The following ROBO2 variants were observed in gnomAD, a reference collection of about 807,000 sequenced individuals.
ROBO2 encodes roundabout homolog 2.
A neutral mutation model predicts 160.8 loss-of-function variants in ROBO2; 53 were observed. The ratio of observed to expected loss-of-function variants is 0.33; its 90% CI spans 0.26 to 0.41. The LOEUF is 0.41. Among genes scored for constraint, ROBO2 ranks in the 10% least tolerant of loss-of-function variants. The pLI is 1.00. For missense variants in ROBO2, 1,577 were observed against 1,722.4 expected (o/e 0.92, Z 1.49); for synonymous variants, 664 against 611.7 (o/e 1.09, Z -1.26).
At chr3:77,576,325 A>G (rs2093761912) in intron 14 of ROBO2, among the ~76,000 whole-genome samples, 1 of 152,100 alleles carries the variant, frequency 6.6e-6, no homozygotes, top group African/African-American at 2.4e-5. Flanking sequence ...AAAACATGGG[A>G]TATCTGCTGT....
chr3:76,698,282 C>T (rs2092973970), intron 2 of ROBO2, among the ~76,000 whole-genome samples: 1 of 152,132 alleles, frequency 6.6e-6, no homozygotes, highest in Admixed American at 6.6e-5. Flanking sequence ...ACCATTGACA[C>T]GGTGTTTTAT....
At chr3:76,381,496 C>A (rs537760923) in intron 2 of ROBO2, among the ~76,000 whole-genome samples, 56 of 151,854 alleles carry the variant, frequency 3.7e-4, no homozygotes, top group Non-Finnish European at 7.1e-4. Flanking sequence ...ACTACAGACA[C>A]GTGCCACCGC....
At chr3:76,214,621 G>A (rs1318410692) in intron 2 of ROBO2, among the ~76,000 whole-genome samples, 4 of 152,190 alleles carry the variant, frequency 2.6e-5, no homozygotes, top group East Asian at 1.9e-4. Context: ...GGGGAAGGGC[G>A]TCCGCCATTG....
At chr3:76,874,723 A>G (rs183044780) in intron 2 of ROBO2, among the ~76,000 whole-genome samples, 220 of 152,308 alleles carry the variant, frequency 1.4e-3, no homozygotes, top group African/African-American at 5.1e-3. Context: ...TTAAAGGGGC[A>G]TGGAATGAGT....
At chr3:77,215,181 A>G (rs2084760737) in intron 2 of ROBO2, among the ~76,000 whole-genome samples, 1 of 152,220 alleles carries the variant, frequency 6.6e-6, no homozygotes. Context: ...GTGTTTTCCA[A>G]CTTGGTTCCA....
At chr3:76,744,308 T>G (rs572324016) in intron 2 of ROBO2, among the ~76,000 whole-genome samples, 5 of 152,062 alleles carry the variant, frequency 3.3e-5, no homozygotes, top group Admixed American at 1.3e-4. Flanking sequence ...CTCTTCCTCT[T>G]CCGTCTTTTT....
intron 2 of ROBO2, among the ~76,000 whole-genome samples, chr3:76,494,051 C>T (rs2079999696): frequency 6.6e-6 from 1 of 152,036 alleles, no homozygotes; most frequent in African/African-American, 2.4e-5. Flanking sequence ...TGAATGTTCA[C>T]AGCAGCACCA....
At chr3:77,353,184 T>A (rs1396460080) in intron 2 of ROBO2, among the ~76,000 whole-genome samples, 2 of 152,204 alleles carry the variant, frequency 1.3e-5, no homozygotes, top group African/African-American at 4.8e-5. Context: ...TGTAACTTTG[T>A]AGTCTCTCTA....
chr3:77,348,129 T>C (rs1003049704), intron 2 of ROBO2, among the ~76,000 whole-genome samples: 1 of 152,132 alleles, frequency 6.6e-6, no homozygotes, highest in Admixed American at 6.6e-5. Flanking sequence ...GAGAGGGTTC[T>C]TGGATCTTGA....
At chr3:76,985,689 T>C (rs1293057128) in intron 2 of ROBO2, among the ~76,000 whole-genome samples, 1 of 151,036 alleles carries the variant, frequency 6.6e-6, no homozygotes, top group Non-Finnish European at 1.5e-5. Context: ...TTGTTAGCAA[T>C]GGCTAATGTT....
chr3:76,085,693 C>T (rs2068989638), intron 2 of ROBO2, among the ~76,000 whole-genome samples: 1 of 152,074 alleles, frequency 6.6e-6, no homozygotes, highest in African/African-American at 2.4e-5. Context: ...AACCGACTTG[C>T]ACAGAAACCC....
intron 2 of ROBO2, among the ~76,000 whole-genome samples, chr3:77,236,642 G>A (rs534949938): frequency 5.9e-5 from 9 of 152,126 alleles, no homozygotes; most frequent in African/African-American, 2.2e-4. Context: ...TTACTCTTCT[G>A]GTATCATACA....
rs79349655 is a variant in ROBO2, at chr3:77,136,280, C to G, written c.388+37940C>G. Among the ~76,000 whole-genome samples, 120 of 152,026 alleles carry G rather than the reference C, an allele frequency of 7.9e-4. No homozygotes were observed. The Middle Eastern group carries it at 0.014, about 17-fold the overall frequency. ...TTCATAAAATAATAGATTTATTTCTCTTGATTAAGGTTTTTATTTGGCCTA... is the reference window on the plus strand; with the variant it reads ...TTCATAAAATAATAGATTTATTTCTGTTGATTAAGGTTTTTATTTGGCCTA... On this transcript the variant is annotated intron_variant, in intron 2 of 25. Coordinates refer to ENST00000461745, the Ensembl canonical transcript of ROBO2.
chr3:76,434,089 C>A, intron 2 of ROBO2: 1 of 1,285,180 alleles, frequency 7.8e-7, no homozygotes, highest in Non-Finnish European at 1.1e-6. Flanking sequence ...TATCCCATAC[C>A]TCTGACATGC....
intron 2 of ROBO2, among the ~76,000 whole-genome samples, chr3:76,686,003 C>T (rs949327426): frequency 3.3e-5 from 5 of 152,034 alleles, no homozygotes; most frequent in Admixed American, 6.6e-5. Context: ...GAAGCTAGAG[C>T]GACGGTGAAT....
chr3:77,164,777 G>A (rs1468700911), intron 2 of ROBO2, among the ~76,000 whole-genome samples: 1 of 36,516 alleles, frequency 2.7e-5, no homozygotes, highest in African/African-American at 6.2e-5. Context: ...TCAGACCCCC[G>A]CCCGGCCAGC....
rs142196216 is a variant in ROBO2, at chr3:77,310,813, A to T, written c.389-166601A>T. 1.1e-3 allele frequency among the ~76,000 whole-genome samples: 165 copies of T among 151,930 alleles called. 2 individuals are homozygous for T. Among genetic ancestry groups the T allele is most frequent in the African/African-American group, 3.8e-3 (159 of 41,512 alleles). On this transcript the variant is annotated intron_variant, in intron 2 of 25. Transcript: ENST00000461745. ...TATTTAAATATAGAATTACTATTTA[A>T]TATAGAATTCAGTGTGGATAGTAGT... is the stretch of plus-strand genomic sequence containing the variant.
At chr3:76,976,385 C>T (rs766661483) in intron 2 of ROBO2, among the ~76,000 whole-genome samples, 4 of 152,120 alleles carry the variant, frequency 2.6e-5, no homozygotes, top group Non-Finnish European at 5.9e-5. Flanking sequence ...TTGTCATCAA[C>T]GTAATTTTTG....
At chr3:76,468,450 T>C (rs757222577) in intron 2 of ROBO2, among the ~76,000 whole-genome samples, 5 of 152,044 alleles carry the variant, frequency 3.3e-5, no homozygotes, top group East Asian at 1.9e-4. Context: ...AAGGATACAA[T>C]AACAACAAGA....
Sources: allele counts gnomAD v4.1 joint callset (sites outside exome capture counted in the v4.1 genomes callset), GRCh38; gene constraint gnomAD v4.1.1; transcripts MANE v1.5; gene names NCBI Gene and HGNC (gene_info 2026-07-23, HGNC 2026-07-21).